The following SLC25A29 variants were observed in gnomAD, a reference collection of about 807,000 sequenced individuals.
SLC25A29 encodes solute carrier family 25 member 29.
A neutral mutation model predicts 10.0 loss-of-function variants in SLC25A29; 13 were observed. The ratio of observed to expected loss-of-function variants is 1.30; its 90% CI spans 0.85 to 2.07. SLC25A29 has a LOEUF of 2.07. Among genes scored for constraint, SLC25A29 ranks in the 30% most tolerant of loss-of-function variants. SLC25A29 has a pLI of 0.00. For missense variants in SLC25A29, 475 were observed against 447.6 expected (o/e 1.06, Z -0.55); for synonymous variants, 244 against 221.1 (o/e 1.10, Z -0.92).
In SLC25A29 at chr14:100,298,588, T is replaced by G. The variant is rs1892327774; in HGVS notation, c.78+254A>C. The G allele has an allele frequency of 1.4e-5, 8 of 576,740 alleles. No individual in the cohort carries two copies. The East Asian group carries it at 2.3e-4, about 17-fold the overall frequency. The allele number at this position is 576,740 out of a possible 1,614,324, so 35.7% of individuals were successfully genotyped here. On this transcript the variant is annotated intron_variant, in intron 2 of 3. Transcript: ENST00000359232. ...TGGGAACATGTGGGTGCCCTTGCTC[T>G]GGGTGGGAGAAAACCTCAGCACCTC...
the SLC25A29 span, among the ~76,000 whole-genome samples, chr14:100,285,875 A>G: frequency 6.6e-6 from 1 of 151,982 alleles, no homozygotes; most frequent in Non-Finnish European, 1.5e-5. Flanking sequence ...CGGTCCTGGG[A>G]TTAGGGGGCG....
intron 1 of SLC25A29, among the ~76,000 whole-genome samples, chr14:100,303,176 TA>T (rs1457573301): frequency 3.9e-5 from 6 of 152,244 alleles, no homozygotes; most frequent in African/African-American, 1.4e-4. Context: ...TTTAATTTTC[TA>T]AAGCTGAAAA....
At position 100,292,022 on chromosome 14, in the gene SLC25A29, G is replaced by T. The variant is rs1382098472; in HGVS notation, c.*261C>A. ...GGTGCAATGGCCTCAGCCAGGCCAG[G>T]TGCTGGCTGCTGCTGGGAATAATCT... On this transcript the variant is annotated 3_prime_UTR_variant, in exon 4 of 4. Coordinates refer to ENST00000359232, the MANE Select transcript of SLC25A29 (RefSeq NM_001039355.3). The T allele has an allele frequency of 5.9e-6, 3 of 505,502 alleles. No individual in the cohort carries two copies. The highest frequency in any genetic ancestry group is 1.1e-5 in the Non-Finnish European group (3 of 284,848). 31.3% of individuals were successfully genotyped at this position (505,502 alleles called of 1,614,324 possible). A position where few individuals can be genotyped will look rare whatever the true frequency, so the allele number is the denominator to read the frequency against.
intron 1 of SLC25A29, chr14:100,299,124 G>T: frequency 7.2e-7 from 1 of 1,396,816 alleles, no homozygotes; most frequent in Middle Eastern, 2.7e-4. Flanking sequence ...ACTCAGCACT[G>T]GTGTCCCATC....
chr14:100,281,704 A>C, the SLC25A29 span: 2 of 152,210 alleles, frequency 1.3e-5, no homozygotes, highest in Non-Finnish European at 2.9e-5. Flanking sequence ...ATCTGACTGG[A>C]TGGCTGGCTA....
At chr14:100,303,949 A>G (rs1892735674) in intron 1 of SLC25A29, among the ~76,000 whole-genome samples, 1 of 152,096 alleles carries the variant, frequency 6.6e-6, no homozygotes, top group Non-Finnish European at 1.5e-5. Context: ...CCCAGTGTCT[A>G]TGTGGCCTCA....
At chr14:100,280,957 G>A in the SLC25A29 span, 3 of 151,210 alleles carry the variant, frequency 2.0e-5, no homozygotes, top group East Asian at 1.9e-4. Context: ...AATTTCGGGA[G>A]GCTGAGGCAG....
chr14:100,301,963 T>C (rs1432306550), intron 1 of SLC25A29, among the ~76,000 whole-genome samples: 1 of 152,108 alleles, frequency 6.6e-6, no homozygotes, highest in Non-Finnish European at 1.5e-5. Flanking sequence ...TTTTCCTCAT[T>C]GAGACCGTGA....
At chr14:100,293,406 G>A (rs779640621) in intron 2 of SLC25A29, 29 bp from the exon 3 acceptor site, 18 of 1,605,042 alleles carry the variant, frequency 1.1e-5, no homozygotes, top group Non-Finnish European at 1.5e-5. Flanking sequence ...GTGAGAGGCA[G>A]GCAGGCAGGA....
At chr14:100,281,055 G>A in the SLC25A29 span, 1 of 63,038 alleles carries the variant, frequency 1.6e-5, no homozygotes, top group Non-Finnish European at 2.6e-5. Context: ...GCAAGACTCC[G>A]TCTCCCAAAA....
chr14:100,290,495 C>T (rs1184164275), downstream of SLC25A29, among the ~76,000 whole-genome samples: 1 of 152,270 alleles, frequency 6.6e-6, no homozygotes. Context: ...GGGCCCCTCC[C>T]CGACTCCCCC....
downstream of SLC25A29, among the ~76,000 whole-genome samples, chr14:100,287,630 C>CG (rs1311039636): frequency 8.2e-5 from 8 of 98,018 alleles, no homozygotes; most frequent in South Asian, 2.8e-3. Context: ...GGAGCACCAC[C>CG]CCCCCCCTCC....
intron 2 of SLC25A29, chr14:100,298,613 C>T (rs982635443): frequency 1.3e-5 from 8 of 600,356 alleles, no homozygotes; most frequent in East Asian, 5.7e-5. Context: ...CTCAGCACCT[C>T]GGTTCCAGCT....
In SLC25A29 at chr14:100,292,224, G is replaced by A. The variant is rs1225190992; in HGVS notation, c.*59C>T. On this transcript the variant is annotated 3_prime_UTR_variant, in exon 4 of 4. Transcript: ENST00000359232. The stretch of plus-strand genomic sequence containing the variant: ...AGGAAGCAGGGCAATCGACTCAGGG[G>A]CCAATTTATGTCCCAGGTTTCTGAG... 3.9e-6 allele frequency: 6 copies of A among 1,522,492 alleles called. No individual in the cohort carries two copies. The highest frequency in any genetic ancestry group is 2.5e-5 in the East Asian group (1 of 39,604). The allele number at this position is 1,522,492 out of a possible 1,614,324, so 94.3% of individuals were successfully genotyped here.
At chr14:100,281,061 C>CAAAAA in the SLC25A29 span, 2 of 100,898 alleles carry the variant, frequency 2.0e-5, no homozygotes, top group African/African-American at 9.7e-5. Context: ...CTCCGTCTCC[C>CAAAAA]AAAAAAAAAA....
downstream of SLC25A29, among the ~76,000 whole-genome samples, chr14:100,288,377 T>A (rs1891586700): frequency 1.2e-5 from 1 of 80,906 alleles, no homozygotes; most frequent in Non-Finnish European, 2.2e-5. Context: ...AGTGAAACTC[T>A]ATCTCAAAAA....
chr14:100,280,401 ATGT>A, the SLC25A29 span: 7 of 152,146 alleles, frequency 4.6e-5, no homozygotes, highest in Non-Finnish European at 7.4e-5. Flanking sequence ...ACTTAACAAG[ATGT>A]TGTTTTCTAT....
chr14:100,279,109 T>C, the SLC25A29 span: 3 of 152,232 alleles, frequency 2.0e-5, no homozygotes, highest in African/African-American at 4.8e-5. Flanking sequence ...CCTCTCACAT[T>C]GTAACCTCTT....
At chr14:100,296,075 G>T in intron 2 of SLC25A29, 1 of 1,230,676 alleles carries the variant, frequency 8.1e-7, no homozygotes, top group Non-Finnish European at 1.1e-6. Flanking sequence ...GACTCGGGTG[G>T]CCCCTGATGA....
Sources: allele counts gnomAD v4.1 joint callset (sites outside exome capture counted in the v4.1 genomes callset), GRCh38; gene constraint gnomAD v4.1.1; transcripts MANE v1.5; gene names NCBI Gene and HGNC (gene_info 2026-07-23, HGNC 2026-07-21).